CYFIP2: variants seen among roughly 807,000 people sequenced by gnomAD.
CYFIP2 encodes cytoplasmic FMR1-interacting protein 2.
CYFIP2 carries 29 observed loss-of-function variants against 158.7 expected under a neutral mutation model. That is an observed-to-expected ratio of 0.18 (90% CI 0.14 to 0.25). The LOEUF (loss-of-function observed/expected upper bound fraction) is 0.25, where lower values mean the gene tolerates loss of function less well. CYFIP2 is among the 10% of genes least tolerant of loss of function. CYFIP2 has a pLI of 1.00. For missense variants in CYFIP2, 852 were observed against 1,639.5 expected, an observed-to-expected ratio of 0.52 and a Z score of 8.29; for synonymous variants, 585 against 617.6, an observed-to-expected ratio of 0.95 and a Z score of 0.78.
In CYFIP2 at chr5:157,394,327, C is replaced by G. The variant is rs1024155328; in HGVS notation, c.*1327C>G. On this transcript the variant is annotated 3_prime_UTR_variant, in exon 31 of 31. Coordinates refer to ENST00000620254, the MANE Select transcript of CYFIP2 (RefSeq NM_001037333.3). ...TCATTGTCAAAGGAAATCTGTGGCC[C>G]TGAGATTTTAAGAACATAAAATGTG... The G allele has an allele frequency of 6.6e-6, 1 of 152,132 alleles. No homozygotes were observed. Among genetic ancestry groups the G allele is most frequent in the East Asian group, 1.9e-4 (1 of 5,188 alleles). The allele number at this position is 152,132 out of a possible 1,614,324, so 9.4% of individuals were successfully genotyped here.
chr5:157,291,259 T>C (rs1011620012), intron 3 of CYFIP2, among the ~76,000 whole-genome samples: 2 of 152,196 alleles, frequency 1.3e-5, no homozygotes, highest in African/African-American at 4.8e-5. Context: ...GCCAACTCTT[T>C]ACCTCCAAGT....
intron 15 of CYFIP2, among the ~76,000 whole-genome samples, chr5:157,321,526 G>C (rs183650184): frequency 1.3e-5 from 2 of 152,302 alleles, no homozygotes; most frequent in East Asian, 3.9e-4. Context: ...GGGCATCTTC[G>C]TTAAATCCCT....
At position 157,383,456 on chromosome 5, in the gene CYFIP2, T is replaced by A. The variant is rs1766332108; in HGVS notation, c.3207+97T>A. On this transcript the variant is annotated intron_variant, in intron 28 of 30. Transcript: ENST00000620254. ...ATTGTACAGGTCAGGAAACTGAGGC[T>A]CAGAGAAGGGAAGACAATGTCCAAT... 2.7e-6 allele frequency: 3 copies of A among 1,124,880 alleles called. No homozygotes were observed. In the African/African-American group the frequency reaches 4.7e-5, roughly 18 times the overall value. The allele number at this position is 1,124,880 out of a possible 1,614,324, so 69.7% of individuals were successfully genotyped here.
intron 13 of CYFIP2, among the ~76,000 whole-genome samples, chr5:157,317,422 G>A (rs1760240386): frequency 6.6e-6 from 1 of 152,132 alleles, no homozygotes; most frequent in Non-Finnish European, 1.5e-5. Flanking sequence ...ATTCCTTGTG[G>A]TATTTATCTC....
intron 2 of CYFIP2, 28 bp downstream of exon 2, chr5:157,285,506 G>A (rs1318779998): frequency 6.5e-7 from 1 of 1,544,162 alleles, no homozygotes; most frequent in Non-Finnish European, 8.8e-7. Flanking sequence ...TAGCACCAGG[G>A]GGCCCAGGAA....
At chr5:157,295,478 C>A (rs1220305) in intron 4 of CYFIP2, among the ~76,000 whole-genome samples, 102,292 of 152,034 alleles carry the variant, frequency 0.67, 36,591 homozygotes, top group Admixed American at 0.82. Context: ...TATTCCTCCC[C>A]CTTCCTTCTA....
At chr5:157,277,103 A>T (rs1193690401) in intron 1 of CYFIP2, 2 of 150,176 alleles carry the variant, frequency 1.3e-5, no homozygotes, top group Admixed American at 1.3e-4. Context: ...GCTCAATCTC[A>T]GCTCACTGCA....
At chr5:157,279,601 A>G (rs934409289) in intron 1 of CYFIP2, among the ~76,000 whole-genome samples, 5 of 152,126 alleles carry the variant, frequency 3.3e-5, no homozygotes, top group African/African-American at 4.8e-5. Context: ...TGTGTGCCCA[A>G]TGTTATTATT....
At chr5:157,282,251 G>A (rs1200526418) in intron 1 of CYFIP2, among the ~76,000 whole-genome samples, 1 of 152,236 alleles carries the variant, frequency 6.6e-6, no homozygotes, top group Admixed American at 6.5e-5. Context: ...AGAAGGCAGA[G>A]GGGTAACAGT....
intron 23 of CYFIP2, among the ~76,000 whole-genome samples, chr5:157,358,142 G>A (rs1340184049): frequency 6.6e-6 from 1 of 152,200 alleles, no homozygotes; most frequent in Non-Finnish European, 1.5e-5. Context: ...TTCCAGAACA[G>A]AGCGTTAGAG....
chr5:157,367,622 A>T (rs150341651), intron 26 of CYFIP2, among the ~76,000 whole-genome samples: 62 of 152,174 alleles, frequency 4.1e-4, no homozygotes, highest in Non-Finnish European at 8.4e-4. Flanking sequence ...TCTGTCTCCT[A>T]CTTCTACCTT....
In CYFIP2 at chr5:157,311,709, C is replaced by T. The variant is rs1017783280; in HGVS notation, c.1038C>T (p.Cys346=). ...QSSISPQYNI[C]EQMVQIRDDH... ...GCATCAGCCCCCAGTACAATATCTG[C>T]GAGCAGATGGTTCAGATCCGGGATG... Residue 346 remains cysteine, a synonymous_variant, in exon 11 of 31, where the codon TGC becomes TGT. Coordinates refer to ENST00000620254, the MANE Select transcript of CYFIP2 (RefSeq NM_001037333.3). This position sits in a 1 kb window ranked among gnomAD's most constrained non-coding sequence, Gnocchi z 4.7. 8 of 1,610,504 alleles carry T rather than the reference C, an allele frequency of 5.0e-6. No homozygotes were observed. Among genetic ancestry groups the T allele is most frequent in the South Asian group, 1.1e-5 (1 of 90,064 alleles).
At chr5:157,275,013 G>T (rs761585662) in intron 1 of CYFIP2, among the ~76,000 whole-genome samples, 1 of 151,958 alleles carries the variant, frequency 6.6e-6, no homozygotes, top group African/African-American at 2.4e-5. Flanking sequence ...TGGCTTAAGC[G>T]ATTCTCCCAT....
intron 26 of CYFIP2, among the ~76,000 whole-genome samples, chr5:157,362,219 A>G (rs184064107): frequency 2.8e-4 from 42 of 152,308 alleles, no homozygotes; most frequent in African/African-American, 8.4e-4. Flanking sequence ...GCTTGTGGGT[A>G]TGGCTTCTTC....
At chr5:157,372,357 A>G (rs2113449518) in intron 26 of CYFIP2, among the ~76,000 whole-genome samples, 1 of 152,366 alleles carries the variant, frequency 6.6e-6, no homozygotes, top group East Asian at 1.9e-4. Flanking sequence ...CAGTAAAGTT[A>G]AAGCAAATAT....
chr5:157,309,198 A>C (rs888116589), intron 9 of CYFIP2, among the ~76,000 whole-genome samples: 1 of 152,236 alleles, frequency 6.6e-6, no homozygotes, highest in Non-Finnish European at 1.5e-5. Context: ...AGTGCTTGGC[A>C]TAGTACCTAG....
intron 26 of CYFIP2, among the ~76,000 whole-genome samples, chr5:157,367,731 A>T (rs1443319305): frequency 6.6e-6 from 1 of 150,614 alleles, no homozygotes; most frequent in Admixed American, 6.6e-5. Context: ...ACTTTGTCAC[A>T]CTAAGATGAC....
At chr5:157,276,438 G>A (rs1756550411) in intron 1 of CYFIP2, among the ~76,000 whole-genome samples, 1 of 152,112 alleles carries the variant, frequency 6.6e-6, no homozygotes, top group African/African-American at 2.4e-5. Flanking sequence ...ATATTCTGAT[G>A]TTAATGTTAA....
At chr5:157,310,658 C>A (rs569900242) in intron 10 of CYFIP2, among the ~76,000 whole-genome samples, 13 of 152,216 alleles carry the variant, frequency 8.5e-5, no homozygotes, top group Non-Finnish European at 1.8e-4. Flanking sequence ...CCTGACTTCT[C>A]GACCAGCTGA....
Sources: gnomAD v4.1 joint callset for allele counts (sites outside exome capture counted in the v4.1 genomes callset) on GRCh38, gnomAD v4.1.1 for gene constraint, Gnocchi (gnomAD v3.1) non-coding constraint, MANE v1.5 for transcripts, NCBI Gene and HGNC (gene_info 2026-07-23, HGNC 2026-07-21) for gene names.